The following NLRP5 variants were observed in gnomAD, a reference collection of about 807,000 sequenced individuals.
The protein encoded by NLRP5 is NACHT, LRR and PYD domains-containing protein 5.
A neutral mutation model predicts 113.1 loss-of-function variants in NLRP5; 93 were observed. The observed-to-expected ratio is 0.82, with a 90% CI of 0.70 to 0.98. The LOEUF (loss-of-function observed/expected upper bound fraction) is 0.98, where lower values mean the gene tolerates loss of function less well. NLRP5 is among the 50% of genes least tolerant of loss of function. NLRP5 has a pLI of 0.00. For missense variants in NLRP5, 1,808 were observed against 1,514.3 expected (o/e 1.19, Z -3.22); for synonymous variants, 751 against 600.7 (o/e 1.25, Z -3.66).
upstream of NLRP5, among the ~76,000 whole-genome samples, chr19:55,999,048 A>G (rs1377209228): frequency 6.6e-6 from 1 of 151,510 alleles, no homozygotes; most frequent in Non-Finnish European, 1.5e-5. Flanking sequence ...CCTAAAACTC[A>G]TTTCTCTGAC....
Position 56,021,324 on chromosome 19 carries a change from T to G in NLRP5, c.679+893T>G, listed in dbSNP as rs903692963. 2.0e-5 allele frequency among the ~76,000 whole-genome samples: 3 copies of G among 152,212 alleles called. No homozygotes were observed. The East Asian group carries it at 5.8e-4, about 29-fold the overall frequency. ...GAAACTGTTGATTGAGGCTTTTTTG[T>G]TGAGATATAATTAGGATTTTATATA... On this transcript the variant is annotated intron_variant, in intron 6 of 14. Transcript: ENST00000390649.
At chr19:56,009,338 T>TAAAAAAAAAAA (rs1982087263) in intron 3 of NLRP5, among the ~76,000 whole-genome samples, 1 of 2,258 alleles carries the variant, frequency 4.4e-4, no homozygotes, top group African/African-American at 1.4e-3. Context: ...AGACTCCATC[T>TAAAAAAAAAAA]CAAAAAAAAA....
rs1599914282 is a variant in NLRP5 at position 56,055,808 on chromosome 19, GTGCTGGGATTACAGGCATAAGCCACC to G, written c.3299+2001_3299+2026del. Among the ~76,000 whole-genome samples the G allele has an allele frequency of 2.0e-5, 3 of 152,116 alleles. No homozygotes were observed. The East Asian group carries it at 5.8e-4, about 29-fold the overall frequency. ...GATCTGCCCGCCTTGGCCTCCCAAA[GTGCTGGGATTACAGGCATAAGCCACC>G]GCGCCTGGCCTGTTTTTCTGTCTTC... is the stretch of plus-strand genomic sequence containing the variant. On this transcript the variant is annotated intron_variant, in intron 13 of 14. Coordinates refer to ENST00000390649, the MANE Select transcript of NLRP5 (RefSeq NM_153447.4).
chr19:56,053,447 T>G (rs1169142187), intron 12 of NLRP5, among the ~76,000 whole-genome samples, 191 bp from the exon 13 acceptor site: 1 of 152,050 alleles, frequency 6.6e-6, no homozygotes, highest in African/African-American at 2.4e-5. Flanking sequence ...CCAGACACTT[T>G]CCCCGCCTCC....
chr19:56,043,874 G>A (rs1568499164), intron 11 of NLRP5, among the ~76,000 whole-genome samples: 3 of 151,434 alleles, frequency 2.0e-5, no homozygotes, highest in Admixed American at 1.3e-4. Flanking sequence ...ACCACGCCTG[G>A]CCTCTGCTGA....
chr19:56,049,471 G>A (rs769656438), intron 11 of NLRP5, among the ~76,000 whole-genome samples: 51 of 151,906 alleles, frequency 3.4e-4, no homozygotes, highest in Non-Finnish European at 6.9e-4. Flanking sequence ...ATGAGCCACC[G>A]TGCCCAGCCT....
At position 56,027,597 on chromosome 19, in the gene NLRP5, T is replaced by G; in HGVS notation, c.1364T>G (p.Leu455Trp). 6.2e-7 allele frequency: 1 copy of G among 1,613,912 alleles called. No individual in the cohort carries two copies. The highest frequency in any genetic ancestry group is 8.5e-7 in the Non-Finnish European group (1 of 1,179,894). The change falls in exon 7 of 15, where the codon TTG (leucine) becomes TGG (tryptophan). Residue 455 changes from leucine (L) to tryptophan (W), a missense_variant. By Grantham distance (61) the Leu-to-Trp change is moderately conservative. Coordinates refer to ENST00000390649, the MANE Select transcript of NLRP5 (RefSeq NM_153447.4). ...GGTGAGCATCAGAAGACACAAGGGTTGCGTGCGATCATGAACAACCGTGAG... is the reference window on the plus strand; with the variant it reads ...GGTGAGCATCAGAAGACACAAGGGTGGCGTGCGATCATGAACAACCGTGAG...
intron 12 of NLRP5, among the ~76,000 whole-genome samples, chr19:56,052,284 T>G (rs186089363): frequency 6.6e-6 from 1 of 152,154 alleles, no homozygotes; most frequent in East Asian, 1.9e-4. Context: ...TGTTTTTGTT[T>G]TGAGACAGAG....
rs769825670 is a variant in NLRP5, at chr19:56,053,731, C to G, written c.3222C>G (p.Asp1074Glu). 6.2e-7 allele frequency: 1 copy of G among 1,613,954 alleles called. No homozygotes were observed. The highest frequency in any genetic ancestry group is 8.5e-7 in the Non-Finnish European group (1 of 1,179,876). ...ACCTGAAGAGCCTGGATCTCACGGA[C>G]AATGCCCTGGGTGACGGTGGGGTTG... The change falls in exon 13 of 15, where the codon GAC becomes GAG. Residue 1074 changes from aspartate (D) to glutamate (E), a missense_variant. By Grantham distance (45) the Asp-to-Glu change is conservative. Transcript: ENST00000390649.
At position 56,027,291 on chromosome 19, in the gene NLRP5, G is replaced by A. The variant is rs200105264; in HGVS notation, c.1058G>A (p.Arg353Gln). Residue 353 changes from arginine to glutamine, a missense_variant, in exon 7 of 15, where the codon CGA (arginine) becomes CAA (glutamine). Coordinates refer to ENST00000390649, the MANE Select transcript of NLRP5 (RefSeq NM_153447.4). Reference sequence around the variant, plus strand: ...GCTCCGGTGACGGAGATCATGTCCCGACCAGAAAGGCTGTTGTTCATCATT... The same window carrying A: ...GCTCCGGTGACGGAGATCATGTCCCAACCAGAAAGGCTGTTGTTCATCATT... The A allele has an allele frequency of 6.5e-4, 1,054 of 1,611,764 alleles. 10 individuals are homozygous for A. In the South Asian group the frequency reaches 7.6e-3, roughly 12 times the overall value.
chr19:56,061,421 C>A lies in NLRP5; in HGVS notation c.3496C>A (p.Gln1166Lys), dbSNP rs774791505. 2.7e-5 allele frequency: 44 copies of A among 1,613,824 alleles called. No individual in the cohort carries two copies. Among genetic ancestry groups the A allele is most frequent in the Admixed American group, 6.7e-5 (4 of 59,994 alleles). The change falls in exon 15 of 15, where the codon CAA becomes AAA. Residue 1166 changes from glutamine (Q) to lysine (K), a missense_variant. Transcript: ENST00000390649. ...GCTGTGGAAATGGCAGTACCCTGTGCAAATAAGGAAGCTGCTGGAGGAAGT... is the reference window on the plus strand; with the variant it reads ...GCTGTGGAAATGGCAGTACCCTGTGAAAATAAGGAAGCTGCTGGAGGAAGT...
At chr19:56,055,629 T>C (rs966224292) in intron 13 of NLRP5, among the ~76,000 whole-genome samples, 2 of 134,428 alleles carry the variant, frequency 1.5e-5, no homozygotes, top group African/African-American at 2.7e-5. Context: ...CACTGCAAGC[T>C]CCGCCTCCCA....
At chr19:56,036,138 A>G (rs912770683) in intron 9 of NLRP5, among the ~76,000 whole-genome samples, 4 of 133,894 alleles carry the variant, frequency 3.0e-5, no homozygotes, top group African/African-American at 1.1e-4. Context: ...ATCTCGGCTC[A>G]TTGCAAGCCC....
chr19:56,031,143 C>G (rs530331104), intron 7 of NLRP5, among the ~76,000 whole-genome samples: 4 of 152,102 alleles, frequency 2.6e-5, no homozygotes, highest in Admixed American at 6.6e-5. Flanking sequence ...GGACGGGAGA[C>G]TAATTGCTCC....
In NLRP5 at chr19:56,041,087, G is replaced by A. The variant is rs374694875; in HGVS notation, c.2952G>A (p.Arg984=). The A allele has an allele frequency of 1.3e-5, 21 of 1,613,726 alleles. No individual in the cohort carries two copies. In the African/African-American group the frequency reaches 2.5e-4, roughly 19 times the overall value. ...GGCTTCCCCACTGTAGTCTGCAGAG[G>A]CTGATGTGAGTCTGGCTTGCTCCCC... The change falls in exon 11 of 15, where the codon AGG becomes AGA. Residue 984 remains arginine, a synonymous_variant. Transcript: ENST00000390649.
At chr19:55,998,729 T>TATAC (rs1416438411), upstream of NLRP5, among the ~76,000 whole-genome samples, 1 of 132,816 alleles carries the variant, frequency 7.5e-6, no homozygotes, top group Admixed American at 7.5e-5. Flanking sequence ...TATATATATA[T>TATAC]GTGTATATAT....
At chr19:56,022,882 A>G (rs973263050) in intron 6 of NLRP5, among the ~76,000 whole-genome samples, 5 of 151,996 alleles carry the variant, frequency 3.3e-5, no homozygotes, top group Non-Finnish European at 7.4e-5. Context: ...GTGCCACCAC[A>G]CCCGGCTAAT....
At chr19:56,022,127 T>A (rs1982638536) in intron 6 of NLRP5, among the ~76,000 whole-genome samples, 1 of 152,200 alleles carries the variant, frequency 6.6e-6, no homozygotes, top group South Asian at 2.1e-4. Context: ...ATCGGTGACA[T>A]TTTTAGAATA....
At chr19:56,051,221 C>A (rs1474653984) in intron 12 of NLRP5, among the ~76,000 whole-genome samples, 1 of 152,120 alleles carries the variant, frequency 6.6e-6, no homozygotes, top group African/African-American at 2.4e-5. Context: ...TATTTTGAGT[C>A]TTGCTCTGTT....
Sources: gnomAD v4.1 joint callset for allele counts (sites outside exome capture counted in the v4.1 genomes callset) on GRCh38, gnomAD v4.1.1 for gene constraint, MANE v1.5 for transcripts, NCBI Gene and HGNC (gene_info 2026-07-23, HGNC 2026-07-21) for gene names.